CDKL3: variants seen among roughly 807,000 people sequenced by gnomAD.
CDKL3 encodes the protein cyclin-dependent kinase-like 3.
In CDKL3, 65 loss-of-function variants were observed where a neutral mutation model predicts 69.3. The observed-to-expected ratio is 0.94, with a 90% CI of 0.77 to 1.15. CDKL3 has a LOEUF of 1.15. CDKL3 is among the 50% of genes most tolerant of loss of function. CDKL3 has a pLI of 0.00. For missense variants in CDKL3, 652 were observed against 689.2 expected (o/e 0.95, Z 0.61); for synonymous variants, 202 against 221.6 (o/e 0.91, Z 0.79).
In CDKL3 at chr5:134,328,737, A is replaced by T. The variant is rs1775007936; in HGVS notation, c.540-6834T>A. The stretch of plus-strand genomic sequence containing the variant: ...AAACTAACACATCATACAAAACGAA[A>T]ATCTTGAAAGCAGCATGAGAAAAAC... On this transcript the variant is annotated intron_variant, in intron 4 of 12. Coordinates refer to ENST00000265334, the MANE Select transcript of CDKL3 (RefSeq NM_001113575.2). 2.0e-5 allele frequency among the ~76,000 whole-genome samples: 3 copies of T among 152,300 alleles called. No homozygotes were observed. The South Asian group carries it at 6.2e-4, about 32-fold the overall frequency.
chr5:134,328,911 CA>C (rs1172627009), intron 4 of CDKL3, among the ~76,000 whole-genome samples: 1 of 152,116 alleles, frequency 6.6e-6, no homozygotes, highest in African/African-American at 2.4e-5. Context: ...AGATATCTTT[CA>C]AAAATGAAGG....
At chr5:134,352,254 ATAC>A (rs1369022719) in intron 3 of CDKL3, among the ~76,000 whole-genome samples, 1 of 151,478 alleles carries the variant, frequency 6.6e-6, no homozygotes, top group Non-Finnish European at 1.5e-5. Flanking sequence ...TTGTGTATAC[ATAC>A]TACATTTCCT....
At chr5:134,370,556 G>A (rs953152222), upstream of CDKL3, among the ~76,000 whole-genome samples, 2 of 152,072 alleles carry the variant, frequency 1.3e-5, no homozygotes, top group African/African-American at 4.8e-5. Flanking sequence ...AAATACAATG[G>A]TACTCCCCCA....
chr5:134,298,628 T>C lies in CDKL3; in HGVS notation c.*23A>G. On this transcript the variant is annotated 3_prime_UTR_variant, in exon 13 of 13. Coordinates refer to ENST00000265334, the MANE Select transcript of CDKL3 (RefSeq NM_001113575.2). ...GGAAGAGTTGTCATCTTGTATTTTT[T>C]GGACTATGTAAAAGAAAAGACACTA... 6.2e-7 allele frequency: 1 copy of C among 1,605,942 alleles called. No individual in the cohort carries two copies. The highest frequency in any genetic ancestry group is 8.5e-7 in the Non-Finnish European group (1 of 1,177,868).
chr5:134,321,005 CTTTTTTT>C (rs1047803739), intron 5 of CDKL3, among the ~76,000 whole-genome samples: 16 of 123,576 alleles, frequency 1.3e-4, no homozygotes, highest in Non-Finnish European at 2.0e-4. Context: ...CAAACATATT[CTTTTTTT>C]TTTTTTTTTT....
At chr5:134,329,065 G>A (rs1270846694) in intron 4 of CDKL3, among the ~76,000 whole-genome samples, 1 of 152,176 alleles carries the variant, frequency 6.6e-6, no homozygotes, top group East Asian at 1.9e-4. Flanking sequence ...GGAAGGCCAG[G>A]TACAGTTCCT....
intron 4 of CDKL3, among the ~76,000 whole-genome samples, chr5:134,333,223 G>A (rs1445288395): frequency 1.3e-5 from 2 of 152,170 alleles, no homozygotes; most frequent in African/African-American, 2.4e-5. Context: ...GGGCTGAGAC[G>A]ATGGGGTTTT....
chr5:134,332,275 T>G (rs1411401334), intron 4 of CDKL3, among the ~76,000 whole-genome samples: 2 of 152,240 alleles, frequency 1.3e-5, no homozygotes, highest in East Asian at 3.8e-4. Flanking sequence ...TTTCTTTTGC[T>G]GTGCAGAAGC....
chr5:134,354,894 C>G (rs1013478636), intron 3 of CDKL3, among the ~76,000 whole-genome samples: 10 of 151,866 alleles, frequency 6.6e-5, no homozygotes, highest in Admixed American at 5.2e-4. Flanking sequence ...TTGCAGTGAG[C>G]TGAGATCGTG....
chr5:134,366,657 TAAA>T (rs1171554599), intron 1 of CDKL3, 113 bp from the exon 2 acceptor site: 8 of 585,964 alleles, frequency 1.4e-5, no homozygotes, highest in Admixed American at 1.3e-4. Flanking sequence ...ATAGAGACAT[TAAA>T]AAAAAAAAAG....
upstream of CDKL3, among the ~76,000 whole-genome samples, chr5:134,368,873 A>G (rs1043633043): frequency 6.6e-6 from 1 of 152,102 alleles, no homozygotes; most frequent in South Asian, 2.1e-4. Flanking sequence ...CTCCATCTCT[A>G]CAAAAAATTA....
At position 134,359,913 on chromosome 5, in the gene CDKL3, T is replaced by TA. The variant is rs1755603288; in HGVS notation, c.343dup (p.Tyr115LeufsTer5). The stretch of plus-strand genomic sequence containing the variant: ...AGCACTTACATTATTACTGTGAAGA[T>TA]AGTCAATTGCTCGAAGGATCTGGAA... On this transcript the variant is annotated frameshift_variant, in exon 3 of 13. Coordinates refer to ENST00000265334, the MANE Select transcript of CDKL3 (RefSeq NM_001113575.2). LOFTEE classifies it high-confidence loss of function. 1 of 1,582,770 alleles carries TA rather than the reference T, an allele frequency of 6.3e-7. No individual in the cohort carries two copies. The highest frequency in any genetic ancestry group is 8.6e-7 in the Non-Finnish European group (1 of 1,163,952).
intron 4 of CDKL3, among the ~76,000 whole-genome samples, chr5:134,344,472 AG>A (rs1751311677): frequency 1.3e-5 from 2 of 152,222 alleles, no homozygotes. Context: ...TTTTAAAAAT[AG>A]GCAAAGGATC....
intron 12 of CDKL3, among the ~76,000 whole-genome samples, chr5:134,301,259 A>C (rs1184460232): frequency 2.0e-5 from 3 of 152,214 alleles, no homozygotes; most frequent in African/African-American, 7.2e-5. Flanking sequence ...CAGCCTCCCA[A>C]AGTGCTGGGA....
At chr5:134,348,578 T>TA (rs113403053) in intron 4 of CDKL3, among the ~76,000 whole-genome samples, 19,367 of 147,788 alleles carry the variant, frequency 0.13, 1,497 homozygotes, top group African/African-American at 0.21. Flanking sequence ...AGTGGGAGGT[T>TA]AAAAAAAAAA....
At chr5:134,299,550 G>C in intron 12 of CDKL3, 1 of 1,195,008 alleles carries the variant, frequency 8.4e-7, no homozygotes. Context: ...ACAAATTTAG[G>C]TGAATGTACA....
intron 2 of CDKL3, among the ~76,000 whole-genome samples, chr5:134,364,973 ATTT>A (rs746415237): frequency 7.5e-6 from 1 of 134,012 alleles, no homozygotes; most frequent in Admixed American, 7.5e-5. Context: ...TGCCTGGCTA[ATTT>A]TTTTTTTTTT....
chr5:134,350,162 T>C (rs1374955458), intron 4 of CDKL3, 87 bp downstream of exon 4: 7 of 1,031,484 alleles, frequency 6.8e-6, no homozygotes, highest in Non-Finnish European at 9.6e-6. Flanking sequence ...CATTCCAGCC[T>C]GGGTGACAGA....
At chr5:134,353,955 T>C (rs886481945) in intron 3 of CDKL3, among the ~76,000 whole-genome samples, 10 of 152,172 alleles carry the variant, frequency 6.6e-5, no homozygotes, top group African/African-American at 2.2e-4. Flanking sequence ...ATTCGGCCCC[T>C]ACTTACCCTA....
Sources: allele counts gnomAD v4.1 joint callset (sites outside exome capture counted in the v4.1 genomes callset), GRCh38; gene constraint gnomAD v4.1.1; transcripts MANE v1.5; gene names NCBI Gene and HGNC (gene_info 2026-07-23, HGNC 2026-07-21).